The following PSMC2 variants were observed in gnomAD, a reference collection of about 807,000 sequenced individuals.
The protein encoded by PSMC2 is 26S proteasome regulatory subunit 7.
PSMC2 carries 7 observed loss-of-function variants against 53.3 expected under a neutral mutation model. The ratio of observed to expected loss-of-function variants is 0.13; its 90% CI spans 0.07 to 0.25. The LOEUF is 0.25. Among genes scored for constraint, PSMC2 ranks in the 10% least tolerant of loss-of-function variants. PSMC2 has a pLI of 1.00. For missense variants in PSMC2, 241 were observed against 544.0 expected (o/e 0.44, Z 5.54); for synonymous variants, 169 against 183.9 (o/e 0.92, Z 0.66).
At chr7:103,365,544 G>A (rs1302982407) in intron 8 of PSMC2, among the ~76,000 whole-genome samples, 9 of 152,172 alleles carry the variant, frequency 5.9e-5, no homozygotes, top group African/African-American at 2.2e-4. Flanking sequence ...CATGAGAATC[G>A]CTTGAACCCA....
At chr7:103,352,550 C>T (rs1413794932) in intron 1 of PSMC2, among the ~76,000 whole-genome samples, 4 of 151,776 alleles carry the variant, frequency 2.6e-5, no homozygotes, top group African/African-American at 9.7e-5. Flanking sequence ...GCTGGGACTA[C>T]AAGTGCATAC....
intron 1 of PSMC2, among the ~76,000 whole-genome samples, chr7:103,350,444 AATTTATAGCAGCTATTACTATTCTCCCAC>A (rs1248323224): frequency 2.0e-5 from 3 of 152,126 alleles, no homozygotes; most frequent in African/African-American, 7.2e-5. Context: ...TGATCATCTC[AATTTATAGCAGCTATTACTATTCTCCCAC>A]AGTACATTTC....
At chr7:103,365,497 C>T (rs1172959201) in intron 8 of PSMC2, among the ~76,000 whole-genome samples, 1 of 151,978 alleles carries the variant, frequency 6.6e-6, no homozygotes, top group Non-Finnish European at 1.5e-5. Context: ...GGTGTGGTGG[C>T]GCATGTCTGT....
At chr7:103,365,927 C>A (rs760066561) in intron 8 of PSMC2, 149 bp from the exon 9 acceptor site, 43 of 647,318 alleles carry the variant, frequency 6.6e-5, no homozygotes, top group Non-Finnish European at 9.8e-5. Context: ...GACTCCATCT[C>A]AAAAAAATAA....
At chr7:103,348,673 T>G in intron 1 of PSMC2, 1 of 1,588,500 alleles carries the variant, frequency 6.3e-7, no homozygotes, top group South Asian at 1.1e-5. Context: ...TCGCGTCTGT[T>G]CAAACCGGCA....
chr7:103,366,316 T>C (rs889996279), intron 9 of PSMC2, among the ~76,000 whole-genome samples, 153 bp downstream of exon 9: 4 of 152,234 alleles, frequency 2.6e-5, no homozygotes, highest in African/African-American at 9.6e-5. Flanking sequence ...TAAGTAGTAG[T>C]GCTAAACTAT....
chr7:103,359,138 C>CTTTTTTTTTTTTTTTTTT (rs35936603), intron 4 of PSMC2, among the ~76,000 whole-genome samples: 3 of 31,334 alleles, frequency 9.6e-5, no homozygotes, highest in Non-Finnish European at 1.7e-4. Context: ...CCATGTCTGG[C>CTTTTTTTTTTTTTTTTTT]TTTTTTTTTT....
At chr7:103,357,272 G>A (rs199848745) in intron 4 of PSMC2, among the ~76,000 whole-genome samples, 4 of 151,116 alleles carry the variant, frequency 2.6e-5, no homozygotes, top group East Asian at 3.9e-4. Flanking sequence ...GTTGCAGTAA[G>A]CTGAGATTGT....
At chr7:103,350,780 G>A (rs1013239797) in intron 1 of PSMC2, among the ~76,000 whole-genome samples, 1 of 152,174 alleles carries the variant, frequency 6.6e-6, no homozygotes, top group Non-Finnish European at 1.5e-5. Context: ...TTTCAGGGGT[G>A]AGCTACCATG....
At chr7:103,365,241 T>C (rs1387091050) in intron 8 of PSMC2, among the ~76,000 whole-genome samples, 1 of 152,170 alleles carries the variant, frequency 6.6e-6, no homozygotes, top group South Asian at 2.1e-4. Flanking sequence ...AACCTATTGC[T>C]ATTTAATAGA....
Position 103,349,649 on chromosome 7 carries a change from A to T in PSMC2, c.70+1868A>T, listed in dbSNP as rs1253174224. Among the ~76,000 whole-genome samples, 3 of 151,920 alleles carry T rather than the reference A, an allele frequency of 2.0e-5. No homozygotes were observed. In the East Asian group the frequency reaches 5.8e-4, roughly 29 times the overall value. Reference sequence around the variant, plus strand: ...ATTTTTAGCAGAGACCGGGTTTCACAATGTTGGCCAGGCTGGTCTTGAACT... The same window carrying T: ...ATTTTTAGCAGAGACCGGGTTTCACTATGTTGGCCAGGCTGGTCTTGAACT... On this transcript the variant is annotated intron_variant, in intron 1 of 11. Coordinates refer to ENST00000292644, the MANE Select transcript of PSMC2 (RefSeq NM_002803.4).
chr7:103,362,600 T>A, intron 5 of PSMC2, 86 bp from the exon 6 acceptor site: 1 of 1,470,920 alleles, frequency 6.8e-7, no homozygotes, highest in Non-Finnish European at 9.3e-7. Flanking sequence ...TTTCTTAAAG[T>A]ATGGTTTTGG....
Position 103,367,024 on chromosome 7 carries a change from C to G in PSMC2, c.845-389C>G, listed in dbSNP as rs1261990245. ...TTCACCATGTTGGCCAGGCTGGTCT[C>G]GAACTCCTGAGGACAAGTTATTTTA... On this transcript the variant is annotated intron_variant, in intron 9 of 11. Transcript: ENST00000292644. This position sits in a 1 kb window ranked among gnomAD's most constrained non-coding sequence, Gnocchi z 6.1. Among the ~76,000 whole-genome samples, 2 of 152,058 alleles carry G rather than the reference C, an allele frequency of 1.3e-5. No individual in the cohort carries two copies. The highest frequency in any genetic ancestry group is 2.9e-5 in the Non-Finnish European group (2 of 68,012).
intron 7 of PSMC2, among the ~76,000 whole-genome samples, 187 bp from the exon 8 acceptor site, chr7:103,363,956 C>G (rs752093947): frequency 3.3e-5 from 5 of 152,080 alleles, no homozygotes; most frequent in Non-Finnish European, 7.3e-5. Flanking sequence ...GAACTTATGT[C>G]TTAGAATAAG....
rs370542288 is a variant in PSMC2 at position 103,356,333 on chromosome 7, T to A, written c.290+540T>A. On this transcript the variant is annotated intron_variant, in intron 4 of 11. Transcript: ENST00000292644. ...CTGTAGTGAATATTCGTGTTAAATGTTTCTCAGTGTATGTGCATACATTTC... is the reference window on the plus strand; with the variant it reads ...CTGTAGTGAATATTCGTGTTAAATGATTCTCAGTGTATGTGCATACATTTC... Among the ~76,000 whole-genome samples the A allele has an allele frequency of 3.3e-5, 5 of 152,346 alleles. No homozygotes were observed. The East Asian group carries it at 7.7e-4, about 23-fold the overall frequency.
intron 4 of PSMC2, among the ~76,000 whole-genome samples, chr7:103,359,278 G>C (rs1010036417): frequency 2.0e-5 from 3 of 150,368 alleles, no homozygotes; most frequent in African/African-American, 7.3e-5. Context: ...GATTACAGGT[G>C]TGAGCCACCG....
At chr7:103,358,386 A>G (rs891495814) in intron 4 of PSMC2, among the ~76,000 whole-genome samples, 1 of 152,072 alleles carries the variant, frequency 6.6e-6, no homozygotes, top group East Asian at 1.9e-4. Flanking sequence ...TCTTGAAACT[A>G]TTTGTTAATT....
rs768955364 is a variant in PSMC2, at chr7:103,347,744, G to C, written c.33G>C (p.Lys11Asn). Reference sequence around the variant, plus strand: ...ATTACCTCGGTGCCGATCAGCGGAAGACCAAAGAGGATGAGAAGGACGACA... The same window carrying C: ...ATTACCTCGGTGCCGATCAGCGGAACACCAAAGAGGATGAGAAGGACGACA... MPDYLGADQR[K>N]TKEDEKDDKP... The change falls in exon 1 of 12, where the codon AAG becomes AAC. Residue 11 changes from lysine (K) to asparagine (N), a missense_variant. Lys to Asn is a moderately conservative substitution (Grantham distance 94). Around this residue, in one of 6 missense-constraint regions of PSMC2, gnomAD observed 70 missense variants for 57.9 expected, o/e 1.21. Transcript: ENST00000292644. 6.2e-7 allele frequency: 1 copy of C among 1,613,922 alleles called. No homozygotes were observed. Among genetic ancestry groups the C allele is most frequent in the South Asian group, 1.1e-5 (1 of 91,054 alleles).
chr7:103,357,988 A>G (rs995863328), intron 4 of PSMC2, among the ~76,000 whole-genome samples: 3 of 152,128 alleles, frequency 2.0e-5, no homozygotes, highest in Non-Finnish European at 2.9e-5. Flanking sequence ...ATGCCTGTTT[A>G]ATGACAATTG....
Sources: gnomAD v4.1 joint callset for allele counts (sites outside exome capture counted in the v4.1 genomes callset) on GRCh38, gnomAD v4.1.1 for gene constraint, gnomAD v4.1.1 regional missense constraint, Gnocchi (gnomAD v3.1) non-coding constraint, MANE v1.5 for transcripts, NCBI Gene and HGNC (gene_info 2026-07-23, HGNC 2026-07-21) for gene names.